The following GMDS variants were observed in gnomAD, a reference collection of about 807,000 sequenced individuals.
GMDS encodes GDP-mannose 4,6 dehydratase.
In GMDS, 20 loss-of-function variants were observed where a neutral mutation model predicts 49.9. The ratio of observed to expected loss-of-function variants is 0.40; its 90% CI spans 0.28 to 0.58. The LOEUF (loss-of-function observed/expected upper bound fraction) is 0.58, where lower values mean the gene tolerates loss of function less well. Among genes scored for constraint, GMDS ranks in the 20% least tolerant of loss-of-function variants. GMDS has a pLI of 0.42. For missense variants in GMDS, 362 were observed against 481.4 expected (o/e 0.75, Z 2.32); for synonymous variants, 177 against 178.6 (o/e 0.99, Z 0.07).
intron 4 of GMDS, among the ~76,000 whole-genome samples, chr6:2,105,794 A>G (rs558880298): frequency 2.0e-5 from 3 of 152,376 alleles, no homozygotes; most frequent in East Asian, 1.9e-4. Context: ...ACCAAACAGC[A>G]TAAGAAGTGC....
intron 6 of GMDS, chr6:1,951,867 G>A: frequency 1.0e-6 from 1 of 982,892 alleles, no homozygotes; most frequent in Non-Finnish European, 1.2e-6. Flanking sequence ...CAAACTAATG[G>A]TCTTTTACAA....
chr6:2,103,554 C>T (rs1396628227), intron 4 of GMDS, among the ~76,000 whole-genome samples: 1 of 151,990 alleles, frequency 6.6e-6, no homozygotes, highest in Non-Finnish European at 1.5e-5. Flanking sequence ...ATTAAGAAGC[C>T]CTTATTTCGT....
chr6:1,806,501 T>C (rs1228857354), intron 7 of GMDS, among the ~76,000 whole-genome samples: 4 of 151,632 alleles, frequency 2.6e-5, no homozygotes, highest in Non-Finnish European at 5.9e-5. Flanking sequence ...CACAAATCCT[T>C]AATGAGACCC....
intron 7 of GMDS, among the ~76,000 whole-genome samples, chr6:1,794,434 C>T (rs1033281205): frequency 1.3e-5 from 2 of 151,490 alleles, no homozygotes; most frequent in East Asian, 2.0e-4. Context: ...AAGGAAACTA[C>T]GGCATTATAT....
At position 1,841,884 on chromosome 6, in the gene GMDS, G is replaced by A. The variant is rs554125602; in HGVS notation, c.771+88219C>T. Among the ~76,000 whole-genome samples, 10 of 152,264 alleles carry A rather than the reference G, an allele frequency of 6.6e-5. No individual in the cohort carries two copies. The South Asian group carries it at 2.1e-3, about 32-fold the overall frequency. ...TCTATCCCACTGGCCAGAACGTCCTGCAATGCCTATTTCCCTAAATGCCAC... is the reference window on the plus strand; with the variant it reads ...TCTATCCCACTGGCCAGAACGTCCTACAATGCCTATTTCCCTAAATGCCAC... On this transcript the variant is annotated intron_variant, in intron 7 of 10. Transcript: ENST00000380815.
chr6:1,824,756 T>TTAAATATTAAATTA (rs1184529438), intron 7 of GMDS, among the ~76,000 whole-genome samples: 1 of 152,198 alleles, frequency 6.6e-6, no homozygotes, highest in African/African-American at 2.4e-5. Flanking sequence ...AAATGAAATA[T>TTAAATATTAAATTA]AATGCCTATT....
In GMDS at chr6:2,209,893, G is replaced by T. The variant is rs148647050; in HGVS notation, c.102+35428C>A. 2.6e-3 allele frequency among the ~76,000 whole-genome samples: 393 copies of T among 152,170 alleles called. 1 individual carries two copies. The highest frequency in any genetic ancestry group is 9.1e-3 in the African/African-American group (379 of 41,480). ...CAGCTCACACTACCATGGCTGCCAG[G>T]CACAGGAAGATAGAACACACACTCC... On this transcript the variant is annotated intron_variant, in intron 1 of 10. Transcript: ENST00000380815.
intron 9 of GMDS, among the ~76,000 whole-genome samples, chr6:1,651,520 T>G (rs1220295748): frequency 6.6e-6 from 1 of 152,212 alleles, no homozygotes; most frequent in African/African-American, 2.4e-5. Flanking sequence ...ACACCCTCCT[T>G]TAACTAGAAG....
At chr6:2,126,769 G>T (rs898368709) in intron 1 of GMDS, among the ~76,000 whole-genome samples, 1 of 152,130 alleles carries the variant, frequency 6.6e-6, no homozygotes, top group Non-Finnish European at 1.5e-5. Flanking sequence ...AAATAGCTGG[G>T]ATTACAGGTG....
chr6:1,785,098 T>C (rs1168935510), intron 7 of GMDS, among the ~76,000 whole-genome samples: 1 of 152,226 alleles, frequency 6.6e-6, no homozygotes, highest in Non-Finnish European at 1.5e-5. Context: ...GATAAAGCTA[T>C]AGTAACACCT....
chr6:2,192,772 C>T (rs1316344283), intron 1 of GMDS, among the ~76,000 whole-genome samples: 1 of 152,198 alleles, frequency 6.6e-6, no homozygotes, highest in Non-Finnish European at 1.5e-5. Flanking sequence ...TCACACACGT[C>T]TTGCCAGTCC....
chr6:1,913,986 C>CA (rs1478374487), intron 7 of GMDS, among the ~76,000 whole-genome samples: 2 of 152,046 alleles, frequency 1.3e-5, no homozygotes, highest in Non-Finnish European at 2.9e-5. Flanking sequence ...ACAGTATATC[C>CA]ATCCTATAGA....
intron 1 of GMDS, among the ~76,000 whole-genome samples, chr6:2,170,903 G>A (rs1337727797): frequency 6.6e-6 from 1 of 152,106 alleles, no homozygotes; most frequent in East Asian, 1.9e-4. Flanking sequence ...GCTGAGGCAG[G>A]AGAATGGCAT....
intron 6 of GMDS, among the ~76,000 whole-genome samples, chr6:1,941,015 A>G (rs1395607113): frequency 6.6e-6 from 1 of 152,158 alleles, no homozygotes; most frequent in Non-Finnish European, 1.5e-5. Flanking sequence ...GCCCTGGTTG[A>G]GAACCATGGC....
intron 1 of GMDS, among the ~76,000 whole-genome samples, chr6:2,173,006 T>G (rs891699427): frequency 1.3e-5 from 2 of 152,148 alleles, no homozygotes; most frequent in African/African-American, 4.8e-5. Flanking sequence ...AAACATAAAC[T>G]GTACACAATG....
intron 1 of GMDS, among the ~76,000 whole-genome samples, chr6:2,202,433 CTATT>C (rs1561653845): frequency 1.1e-4 from 16 of 147,782 alleles, no homozygotes; most frequent in Admixed American, 2.0e-4. Context: ...CAATTTCTTT[CTATT>C]TTTTTTTTTT....
intron 9 of GMDS, among the ~76,000 whole-genome samples, chr6:1,648,319 A>G (rs1763549918): frequency 6.6e-6 from 1 of 152,192 alleles, no homozygotes; most frequent in Non-Finnish European, 1.5e-5. Flanking sequence ...ATATCTGGAC[A>G]TTTCAGGTTC....
At chr6:1,820,685 T>C (rs1433358380) in intron 7 of GMDS, among the ~76,000 whole-genome samples, 1 of 152,166 alleles carries the variant, frequency 6.6e-6, no homozygotes, top group African/African-American at 2.4e-5. Context: ...GACAAGAATA[T>C]TGTAGAGAGC....
chr6:2,215,544 A>AG (rs1780290495), intron 1 of GMDS, among the ~76,000 whole-genome samples: 2 of 93,014 alleles, frequency 2.2e-5, no homozygotes, highest in Admixed American at 2.1e-4. Flanking sequence ...CGTGGGAGTA[A>AG]TGGAGCTATA....
Sources: allele counts gnomAD v4.1 joint callset (sites outside exome capture counted in the v4.1 genomes callset), GRCh38; gene constraint gnomAD v4.1.1; transcripts MANE v1.5; gene names NCBI Gene and HGNC (gene_info 2026-07-23, HGNC 2026-07-21).